The following RTL1 variants were observed in gnomAD, a reference collection of about 807,000 sequenced individuals.
RTL1 encodes the protein retrotransposon Gag like 1, also known as retrotransposon-like protein 1.
For synonymous variants in RTL1, 727 were observed against 748.4 expected (o/e 0.97, Z 0.47); for missense variants, 1,681 against 1,767.5 (o/e 0.95, Z 0.88).
rs548388459 is a variant in RTL1 at position 100,888,290 on chromosome 14, A to C, written c.-86-3416T>G. 9.9e-5 allele frequency among the ~76,000 whole-genome samples: 15 copies of C among 152,254 alleles called. 1 individual carries two copies. The South Asian group carries it at 2.7e-3, about 27-fold the overall frequency. On this transcript the variant is annotated intron_variant, in intron 3 of 3. Transcript: ENST00000649591. The stretch of plus-strand genomic sequence containing the variant: ...CTGTCTTATAGCTGTGCCAAAATGC[A>C]CTTGTTTGAGCATGTAACTTCTCAA...
rs2038812928 is a variant in RTL1 at position 100,893,668 on chromosome 14, T to C, written c.-148-163A>G. On this transcript the variant is annotated intron_variant, in intron 2 of 3. Coordinates refer to ENST00000649591, the MANE Select transcript of RTL1 (RefSeq NM_001134888.3). This position sits in a 1 kb window ranked among gnomAD's most constrained non-coding sequence, Gnocchi z 4.2. ...TGAGCTTTTTTCCACGTGGCTACGT[T>C]GGGGACCTCCGTGATGCTTCCTGAG... Among the ~76,000 whole-genome samples, 1 of 152,268 alleles carries C rather than the reference T, an allele frequency of 6.6e-6. No homozygotes were observed. Among genetic ancestry groups the C allele is most frequent in the Admixed American group, 6.5e-5 (1 of 15,290 alleles).
In RTL1 at chr14:100,882,994, C is replaced by T; in HGVS notation, c.1795G>A (p.Gly599Arg). The T allele has an allele frequency of 2.5e-6, 4 of 1,614,166 alleles. No homozygotes were observed. The highest frequency in any genetic ancestry group is 3.4e-6 in the Non-Finnish European group (4 of 1,180,038). ...AAGGTCTCGCTGTGATCACTGTCTCCAGCCTGCTGAAGCTCAGAGGGCTCT... is the reference window on the plus strand; with the variant it reads ...AAGGTCTCGCTGTGATCACTGTCTCTAGCCTGCTGAAGCTCAGAGGGCTCT... ...ESEPSELQQA[G>R]DSDHSETFYE... Residue 599 changes from glycine to arginine, a missense_variant, in exon 4 of 4, where the codon GGA becomes AGA. Coordinates refer to ENST00000649591, the MANE Select transcript of RTL1 (RefSeq NM_001134888.3).
intron 3 of RTL1, among the ~76,000 whole-genome samples, chr14:100,885,766 C>T (rs1223214196): frequency 2.0e-5 from 3 of 152,174 alleles, no homozygotes; most frequent in Non-Finnish European, 4.4e-5. Context: ...GAACTTCACA[C>T]ATCTGGCCTC....
At position 100,882,439 on chromosome 14, in the gene RTL1, G is replaced by T; in HGVS notation, c.2350C>A (p.Pro784Thr). 5 of 1,552,058 alleles carry T rather than the reference G, an allele frequency of 3.2e-6. No individual in the cohort carries two copies. Among genetic ancestry groups the T allele is most frequent in the Non-Finnish European group, 4.4e-6 (5 of 1,147,094 alleles). Residue 784 changes from proline (P) to threonine (T), a missense_variant, in exon 4 of 4, where the codon CCC (proline) becomes ACC (threonine). Physicochemically the swap from Pro to Thr is conservative, Grantham distance 38. Transcript: ENST00000649591. ...TVEFLGFVVT[P>T]KGVKLNKNVM... ...TTCTTGTTCAGTTTCACCCCTTTGG[G>T]GGTGACGACGAAGCCCAGGAATTCC...
At chr14:100,902,512 C>A (rs1202196398) in intron 2 of RTL1, among the ~76,000 whole-genome samples, 1 of 152,176 alleles carries the variant, frequency 6.6e-6, no homozygotes, top group African/African-American at 2.4e-5. Context: ...TTCTATGGCC[C>A]CTTTTCCAGT....
In RTL1 at chr14:100,882,634, T is replaced by C; in HGVS notation, c.2155A>G (p.Ile719Val). 3 of 1,551,926 alleles carry C rather than the reference T, an allele frequency of 1.9e-6. No individual in the cohort carries two copies. The highest frequency in any genetic ancestry group is 2.6e-6 in the Non-Finnish European group (3 of 1,147,058). The change falls in exon 4 of 4, where the codon ATC becomes GTC. Residue 719 changes from isoleucine (I) to valine (V), a missense_variant. Physicochemically the swap from Ile to Val is conservative, Grantham distance 29. Coordinates refer to ENST00000649591, the MANE Select transcript of RTL1 (RefSeq NM_001134888.3). Reference protein sequence around the residue: ...PIIPQNVIHFILKDMLGFFVL... With the variant: ...PIIPQNVIHFVLKDMLGFFVL... ...AAGAACCCTAGCATGTCCTTTAGGA[T>C]GAAGTGAATCACGTTCTGAGGTATG...
chr14:100,895,542 T>C (rs1302928699), intron 2 of RTL1, among the ~76,000 whole-genome samples: 1 of 152,156 alleles, frequency 6.6e-6, no homozygotes, highest in African/African-American at 2.4e-5. Flanking sequence ...TTGCAAGCTC[T>C]TCTCATTTTT....
chr14:100,890,523 G>A (rs1213622658), intron 3 of RTL1, among the ~76,000 whole-genome samples: 1 of 151,942 alleles, frequency 6.6e-6, no homozygotes, highest in Non-Finnish European at 1.5e-5. Flanking sequence ...GGCTGAGGAG[G>A]AAGGTGAAGC....
chr14:100,881,265 C>A lies in RTL1; in HGVS notation c.3524G>T (p.Arg1175Leu). 6.5e-7 allele frequency: 1 copy of A among 1,550,014 alleles called. No homozygotes were observed. Among genetic ancestry groups the A allele is most frequent in the East Asian group, 2.4e-5 (1 of 40,872 alleles). Residue 1175 changes from arginine to leucine, a missense_variant, in exon 4 of 4, where the codon CGA becomes CTA. By Grantham distance (102) the Arg-to-Leu change is moderately radical (BLOSUM62 -2). Coordinates refer to ENST00000649591, the MANE Select transcript of RTL1 (RefSeq NM_001134888.3). The surrounding 1 kb of genome is among the most constrained non-coding windows in gnomAD (Gnocchi z 6.6). ...GTGGGCCTGGGAGTGCAGAGCATTT[C>A]GCTGCCAGCGGCCAGGGCCCAGGAA... is the stretch of plus-strand genomic sequence containing the variant. ...ELFLGPGRWQ[R>L]NALHSQAHRG...
intron 3 of RTL1, among the ~76,000 whole-genome samples, chr14:100,891,507 C>T (rs1416028733): frequency 6.6e-6 from 1 of 152,182 alleles, no homozygotes; most frequent in East Asian, 1.9e-4. Flanking sequence ...CCTTGCTAAG[C>T]CACTGAGGTG....
At position 100,881,861 on chromosome 14, in the gene RTL1, G is replaced by A. The variant is rs1357047350; in HGVS notation, c.2928C>T (p.His976=). The change falls in exon 4 of 4, where the codon CAC becomes CAT. Residue 976 remains histidine, a synonymous_variant. Coordinates refer to ENST00000649591, the MANE Select transcript of RTL1 (RefSeq NM_001134888.3). The surrounding 1 kb of genome is among the most constrained non-coding windows in gnomAD (Gnocchi z 6.6). ...GCAGCTCCATGACGTCAAAGTTGAAGTGGGAGAAGAAGAAGACCCAATGCC... is the reference window on the plus strand; with the variant it reads ...GCAGCTCCATGACGTCAAAGTTGAAATGGGAGAAGAAGAAGACCCAATGCC... ...LPGHWVFFFS[H]FNFDVMELPE... 8 of 1,613,684 alleles carry A rather than the reference G, an allele frequency of 5.0e-6. No individual in the cohort carries two copies. The African/African-American group carries it at 9.3e-5, about 19-fold the overall frequency.
rs2038637196 is a variant in RTL1 at position 100,882,790 on chromosome 14, C to A, written c.1999G>T (p.Glu667Ter). The A allele has an allele frequency of 6.4e-7, 1 of 1,551,754 alleles. No individual in the cohort carries two copies. Among genetic ancestry groups the A allele is most frequent in the Non-Finnish European group, 8.7e-7 (1 of 1,147,056 alleles). Residue 667 changes from glutamate to a stop codon, truncating the protein, a stop_gained, in exon 4 of 4, where the codon GAG (glutamate) becomes TAG (stop). Transcript: ENST00000649591. LOFTEE classifies it low-confidence loss of function (END_TRUNC). ...LHGAEWFTKL[E>*]LRGTIVEESV... ...TCCTCCACAATGGTCCCACGCAGCT[C>A]CAGTTTTGTGAACCACTCGGCTCCG...
Position 100,880,445 on chromosome 14 carries a change from C to G in RTL1, c.*267G>C, listed in dbSNP as rs530268505. On this transcript the variant is annotated 3_prime_UTR_variant, in exon 4 of 4. Coordinates refer to ENST00000649591, the MANE Select transcript of RTL1 (RefSeq NM_001134888.3). The stretch of plus-strand genomic sequence containing the variant: ...CTTTCTCCCTCATGGATGTCACTCC[C>G]GGGCATGGGCTTGGGACCTGGAGAA... 6.6e-6 allele frequency among the ~76,000 whole-genome samples: 1 copy of G among 152,092 alleles called. No individual in the cohort carries two copies. The highest frequency in any genetic ancestry group is 1.9e-4 in the East Asian group (1 of 5,166).
chr14:100,882,705 T>C lies in RTL1; in HGVS notation c.2084A>G (p.Glu695Gly). ...AAACGGCTGGTAGCTCTTCATCTCTTCAAGCTCCAAACCAAACGCTGCTTT... is the reference window on the plus strand; with the variant it reads ...AAACGGCTGGTAGCTCTTCATCTCTCCAAGCTCCAAACCAAACGCTGCTTT... ...VWKAAFGLEL[E>G]EMKSYQPFAL... Residue 695 changes from glutamate to glycine, a missense_variant, in exon 4 of 4, where the codon GAA becomes GGA. By Grantham distance (98) the Glu-to-Gly change is moderately conservative. Coordinates refer to ENST00000649591, the MANE Select transcript of RTL1 (RefSeq NM_001134888.3). 1.3e-6 allele frequency: 2 copies of C among 1,551,922 alleles called. No individual in the cohort carries two copies. The highest frequency in any genetic ancestry group is 1.7e-6 in the Non-Finnish European group (2 of 1,147,054).
At position 100,881,543 on chromosome 14, in the gene RTL1, G is replaced by T. The variant is rs757210017; in HGVS notation, c.3246C>A (p.Gly1082=). Residue 1082 remains glycine, a synonymous_variant, in exon 4 of 4, where the codon GGC becomes GGA. Coordinates refer to ENST00000649591, the MANE Select transcript of RTL1 (RefSeq NM_001134888.3). This position sits in a 1 kb window ranked among gnomAD's most constrained non-coding sequence, Gnocchi z 6.6. ...CTAGGGTGTTCTTCCAGTACAGGAG[G>T]CCTCGGAAGAAGTGCAGAATGACGG... ...IRAVILHFFR[G]LLYWKNTLAL... is the part of the protein sequence containing the mutation. 6.4e-7 allele frequency: 1 copy of T among 1,551,744 alleles called. No individual in the cohort carries two copies. The highest frequency in any genetic ancestry group is 1.4e-5 in the African/African-American group (1 of 73,186).
rs2038809801 is a variant in RTL1, at chr14:100,893,431, C to T, written c.-87+13G>A. On this transcript the variant is annotated intron_variant, in intron 3 of 3. Coordinates refer to ENST00000649591, the MANE Select transcript of RTL1 (RefSeq NM_001134888.3). The surrounding 1 kb of genome is among the most constrained non-coding windows in gnomAD (Gnocchi z 4.2). ...GGGGGAGGTCGACATGGGACCTCTGCCCCACATCTTACCTTGGCTGCAAGC... is the reference window on the plus strand; with the variant it reads ...GGGGGAGGTCGACATGGGACCTCTGTCCCACATCTTACCTTGGCTGCAAGC... Among the ~76,000 whole-genome samples the T allele has an allele frequency of 6.6e-6, 1 of 152,190 alleles. No homozygotes were observed. Among genetic ancestry groups the T allele is most frequent in the African/African-American group, 2.4e-5 (1 of 41,450 alleles).
At position 100,896,400 on chromosome 14, in the gene RTL1, C is replaced by T. The variant is rs575821567; in HGVS notation, c.-148-2895G>A. On this transcript the variant is annotated intron_variant, in intron 2 of 3. Transcript: ENST00000649591. ...CTGTGCGGATGGAGACTGAGCAGGA[C>T]GAGGGTGCCACCCGACTGGGTGTAA... Among the ~76,000 whole-genome samples, 11 of 152,058 alleles carry T rather than the reference C, an allele frequency of 7.2e-5. No individual in the cohort carries two copies. In the South Asian group the frequency reaches 1.0e-3, roughly 14 times the overall value.
rs370929041 is a variant in RTL1, at chr14:100,881,759, G to A, written c.3030C>T (p.Ala1010=). ...AGGCCAGCAGCAGGGTTTGCCTGGC[G>A]GCAGTGTTCCTCTGGAAGGCTCTCC... ...RWRRAFQRNT[A]ARQTLLLASR... is the part of the protein sequence containing the mutation. The change falls in exon 4 of 4, where the codon GCC becomes GCT. Residue 1010 remains alanine (A), a synonymous_variant. Coordinates refer to ENST00000649591, the MANE Select transcript of RTL1 (RefSeq NM_001134888.3). This position sits in a 1 kb window ranked among gnomAD's most constrained non-coding sequence, Gnocchi z 6.6. The A allele has an allele frequency of 2.4e-4, 385 of 1,613,106 alleles. 1 individual carries two copies. In the African/African-American group the frequency reaches 4.5e-3, roughly 19 times the overall value.
rs1406286637 is a variant in RTL1 at position 100,880,980 on chromosome 14, C to T, written c.3809G>A (p.Ser1270Asn). The T allele has an allele frequency of 3.8e-6, 6 of 1,559,530 alleles. No homozygotes were observed. Among genetic ancestry groups the T allele is most frequent in the Non-Finnish European group, 5.2e-6 (6 of 1,152,390 alleles). Reference protein sequence around the residue: ...QDNDVQEAPPSHTAATHPPRP... With the variant: ...QDNDVQEAPPNHTAATHPPRP... ...GGGTGGGTGGGTGGCTGCTGTGTGGCTGGGTGGGGCCTCCTGCACGTCGTT... is the reference window on the plus strand; with the variant it reads ...GGGTGGGTGGGTGGCTGCTGTGTGGTTGGGTGGGGCCTCCTGCACGTCGTT... The change falls in exon 4 of 4, where the codon AGC (serine) becomes AAC (asparagine). Residue 1270 changes from serine to asparagine, a missense_variant. Transcript: ENST00000649591.
Sources: gnomAD v4.1 joint callset for allele counts (sites outside exome capture counted in the v4.1 genomes callset) on GRCh38, gnomAD v4.1.1 for gene constraint, Gnocchi (gnomAD v3.1) non-coding constraint, MANE v1.5 for transcripts, NCBI Gene and HGNC (gene_info 2026-07-23, HGNC 2026-07-21) for gene names.